Variants in MLIP observed in about 807,000 individuals in gnomAD.
MLIP encodes the protein muscular LMNA interacting protein, also known as muscular LMNA-interacting protein.
In MLIP, 79 loss-of-function variants were observed where a neutral mutation model predicts 84.8. The ratio of observed to expected loss-of-function variants is 0.93; its 90% CI spans 0.78 to 1.12. MLIP has a LOEUF of 1.12. MLIP is among the 50% of genes most tolerant of loss of function. The pLI is 0.00. For synonymous variants in MLIP, 504 were observed against 463.0 expected (o/e 1.09, Z -1.14); for missense variants, 1,257 against 1,160.6 (o/e 1.08, Z -1.21).
chr6:54,122,919 C>T (rs1770578232), intron 2 of MLIP, among the ~76,000 whole-genome samples: 1 of 151,896 alleles, frequency 6.6e-6, no homozygotes, highest in Admixed American at 6.5e-5. Flanking sequence ...AGTGTAATTC[C>T]TCATTCATTT....
intron 1 of MLIP, among the ~76,000 whole-genome samples, chr6:54,103,554 C>T (rs1768800101): frequency 6.6e-6 from 1 of 152,186 alleles, no homozygotes; most frequent in Non-Finnish European, 1.5e-5. Flanking sequence ...CCCATGCTCT[C>T]AACTGTGTAT....
chr6:54,169,493 A>G (rs376366574), intron 8 of MLIP, 35 bp from the exon 9 acceptor site: 77 of 1,476,614 alleles, frequency 5.2e-5, no homozygotes, highest in Non-Finnish European at 6.7e-5. Flanking sequence ...TTACTTTATT[A>G]TTTCAGATGT....
intron 12 of MLIP, among the ~76,000 whole-genome samples, chr6:54,255,209 G>A (rs192100097): frequency 1.3e-5 from 2 of 152,068 alleles, no homozygotes; most frequent in South Asian, 2.1e-4. Flanking sequence ...CCTCATACTT[G>A]CTTTGAGAGC....
chr6:54,145,792 C>A (rs573668818), intron 4 of MLIP, among the ~76,000 whole-genome samples: 22 of 143,090 alleles, frequency 1.5e-4, no homozygotes, highest in African/African-American at 5.8e-4. Context: ...CCCCCTCCCC[C>A]ACAAAAAAAA....
chr6:54,082,528 G>A (rs1767227062), intron 1 of MLIP, among the ~76,000 whole-genome samples: 1 of 152,134 alleles, frequency 6.6e-6, no homozygotes, highest in South Asian at 2.1e-4. Flanking sequence ...TTTGGGTGGG[G>A]ACACAGTAAA....
At chr6:54,146,175 C>A (rs1391848203) in intron 4 of MLIP, among the ~76,000 whole-genome samples, 1 of 152,092 alleles carries the variant, frequency 6.6e-6, no homozygotes, top group African/African-American at 2.4e-5. Flanking sequence ...TGATAGCCTA[C>A]TCAGTGTGAT....
intron 4 of MLIP, among the ~76,000 whole-genome samples, chr6:54,148,829 C>T (rs1040816241): frequency 6.6e-6 from 1 of 152,048 alleles, no homozygotes; most frequent in African/African-American, 2.4e-5. Flanking sequence ...CATATAGTTG[C>T]CTGTAATCTC....
chr6:54,230,065 G>A (rs189841422), intron 11 of MLIP, among the ~76,000 whole-genome samples: 1 of 152,028 alleles, frequency 6.6e-6, no homozygotes, highest in African/African-American at 2.4e-5. Context: ...TTAAGGCCTC[G>A]TAACCTCCTT....
chr6:54,179,424 A>G (rs1238663236), intron 9 of MLIP, among the ~76,000 whole-genome samples: 1 of 151,794 alleles, frequency 6.6e-6, no homozygotes, highest in Admixed American at 6.6e-5. Context: ...GTAGGGACTT[A>G]CCCCTGCCCT....
chr6:54,118,098 C>A (rs1770114660), intron 1 of MLIP, among the ~76,000 whole-genome samples: 1 of 152,126 alleles, frequency 6.6e-6, no homozygotes, highest in African/African-American at 2.4e-5. Context: ...CTCTAACACC[C>A]CAAGTGATCT....
intron 9 of MLIP, among the ~76,000 whole-genome samples, chr6:54,187,915 C>T (rs890648434): frequency 6.6e-5 from 10 of 152,122 alleles, no homozygotes; most frequent in Admixed American, 4.6e-4. Flanking sequence ...GCTGAGCCAG[C>T]GGAATCACTT....
intron 3 of MLIP, among the ~76,000 whole-genome samples, chr6:54,130,980 C>A (rs900363409): frequency 6.6e-6 from 1 of 152,048 alleles, no homozygotes; most frequent in Non-Finnish European, 1.5e-5. Context: ...GAAAAGAAAT[C>A]AGAAAAGGTA....
intron 1 of MLIP, chr6:54,029,065 G>T (rs1480527835): frequency 6.6e-6 from 1 of 152,118 alleles, no homozygotes; most frequent in African/African-American, 2.4e-5. Flanking sequence ...AATATAAAAT[G>T]AACATGTGTG....
intron 1 of MLIP, among the ~76,000 whole-genome samples, chr6:54,022,259 T>C (rs1000356732): frequency 1.3e-5 from 2 of 152,214 alleles, no homozygotes; most frequent in Non-Finnish European, 2.9e-5. Flanking sequence ...TGTAATATAC[T>C]AAAGACTGTG....
intron 12 of MLIP, among the ~76,000 whole-genome samples, chr6:54,242,296 T>G (rs921742730): frequency 6.6e-6 from 1 of 152,212 alleles, no homozygotes; most frequent in African/African-American, 2.4e-5. Context: ...AGGTTGACTT[T>G]CCTTGTTCAT....
chr6:54,055,505 A>G (rs1268348281), intron 1 of MLIP, among the ~76,000 whole-genome samples: 1 of 152,140 alleles, frequency 6.6e-6, no homozygotes, highest in Non-Finnish European at 1.5e-5. Context: ...AATTATTCAG[A>G]AAAAACTACA....
intron 11 of MLIP, among the ~76,000 whole-genome samples, chr6:54,204,987 C>T (rs545029428): frequency 3.3e-5 from 5 of 152,156 alleles, no homozygotes; most frequent in South Asian, 2.1e-4. Flanking sequence ...TTCCAAAGGT[C>T]CCCTGGCCTT....
chr6:54,170,861 A>G (rs1411917145), intron 9 of MLIP, among the ~76,000 whole-genome samples: 1 of 151,478 alleles, frequency 6.6e-6, no homozygotes. Context: ...TTGGAAGACT[A>G]GAAATATCTT....
chr6:54,127,788 AT>A (rs1231658673), intron 3 of MLIP, among the ~76,000 whole-genome samples: 2 of 152,352 alleles, frequency 1.3e-5, no homozygotes, highest in East Asian at 3.9e-4. Flanking sequence ...CGTTAAAAAA[AT>A]CACTCAATAA....
Sources: gnomAD v4.1 joint callset for allele counts (sites outside exome capture counted in the v4.1 genomes callset) on GRCh38, gnomAD v4.1.1 for gene constraint, MANE v1.5 for transcripts, NCBI Gene and HGNC (gene_info 2026-07-23, HGNC 2026-07-21) for gene names.